HDAC4: variants seen among roughly 807,000 people sequenced by gnomAD.
HDAC4 encodes the protein histone deacetylase A.
HDAC4 carries 16 observed loss-of-function variants against 135.1 expected under a neutral mutation model. That is an observed-to-expected ratio of 0.12 (90% CI 0.08 to 0.18). The LOEUF is 0.18. HDAC4 is among the 10% of genes least tolerant of loss of function. The probability of loss-of-function intolerance (pLI) is 1.00; values close to 1 mark genes in which losing one functional copy is unlikely to be tolerated. For synonymous variants in HDAC4, 685 were observed against 653.4 expected (o/e 1.05, Z -0.74); for missense variants, 1,143 against 1,511.8 (o/e 0.76, Z 4.05).
intron 3 of HDAC4, chr2:239,191,040 C>T (rs1013193795): frequency 2.0e-5 from 9 of 459,422 alleles, no homozygotes; most frequent in Admixed American, 4.7e-5. Flanking sequence ...CTCAGACACG[C>T]GACTCTGCCG....
At chr2:239,110,351 G>T (rs1430147118) in intron 14 of HDAC4, among the ~76,000 whole-genome samples, 4 of 152,230 alleles carry the variant, frequency 2.6e-5, no homozygotes, top group African/African-American at 9.6e-5. Flanking sequence ...CTCCCTGCAA[G>T]TCTCCTGGGA....
At chr2:239,085,407 C>A (rs191604900) in intron 19 of HDAC4, among the ~76,000 whole-genome samples, 122 of 152,356 alleles carry the variant, frequency 8.0e-4, no homozygotes, top group African/African-American at 2.9e-3. Context: ...TTTTCAGAAT[C>A]CGGGCTGGCA....
Position 239,068,881 on chromosome 2 carries a change from G to A in HDAC4, c.2751-274C>T. On this transcript the variant is annotated intron_variant, in intron 22 of 26. Coordinates refer to ENST00000543185, the MANE Select transcript of HDAC4 (RefSeq NM_001378414.1). This position sits in a 1 kb window ranked among gnomAD's most constrained non-coding sequence, Gnocchi z 4.4. ...TTGGTGAGAGGGAGTCACGGTGCAA[G>A]CCAGCAAGCCCCACTGCACTTGCTT... The A allele has an allele frequency of 7.0e-6, 3 of 425,684 alleles. No homozygotes were observed. The highest frequency in any genetic ancestry group is 5.2e-5 in the East Asian group (1 of 19,366). The allele number at this position is 425,684 out of a possible 1,614,324, so 26.4% of individuals were successfully genotyped here.
intron 1 of HDAC4, among the ~76,000 whole-genome samples, chr2:239,359,584 G>A (rs1693733614): frequency 6.6e-6 from 1 of 152,216 alleles, no homozygotes; most frequent in Non-Finnish European, 1.5e-5. Flanking sequence ...GCTGGGGGGT[G>A]GGGGCTCCAG....
intron 24 of HDAC4, among the ~76,000 whole-genome samples, chr2:239,065,932 T>G (rs551437903): frequency 6.6e-6 from 1 of 152,244 alleles, no homozygotes; most frequent in African/African-American, 2.4e-5. Context: ...GAAGAGCAGG[T>G]GTGGGAAACT....
intron 2 of HDAC4, among the ~76,000 whole-genome samples, chr2:239,238,637 A>C (rs1470176997): frequency 6.6e-6 from 1 of 152,218 alleles, no homozygotes; most frequent in Non-Finnish European, 1.5e-5. Context: ...GCTCACATGA[A>C]GCCCTTTCTT....
At chr2:239,176,251 G>A (rs546314487) in intron 5 of HDAC4, among the ~76,000 whole-genome samples, 162 bp downstream of exon 5, 7 of 114,658 alleles carry the variant, frequency 6.1e-5, no homozygotes, top group South Asian at 5.7e-4. Context: ...TTCCGTGCCC[G>A]CACCCCTCCC....
intron 13 of HDAC4, among the ~76,000 whole-genome samples, chr2:239,112,202 T>C (rs1237558374): frequency 1.3e-5 from 2 of 152,136 alleles, no homozygotes; most frequent in African/African-American, 2.4e-5. Flanking sequence ...GCGAAGGCCA[T>C]GTAGATGTGG....
chr2:239,216,829 G>A (rs1008400756), intron 3 of HDAC4, among the ~76,000 whole-genome samples: 5 of 152,170 alleles, frequency 3.3e-5, no homozygotes, highest in South Asian at 4.1e-4. Flanking sequence ...GGTTCCACCC[G>A]CCATACTCGG....
chr2:239,364,451 G>A (rs11686104), intron 1 of HDAC4, among the ~76,000 whole-genome samples: 31,624 of 152,106 alleles, frequency 0.21, 3,510 homozygotes, highest in Middle Eastern at 0.23. Flanking sequence ...GTAGGGCTCC[G>A]TGTGCATAAA....
chr2:239,200,821 G>A (rs1352723194), intron 3 of HDAC4, among the ~76,000 whole-genome samples: 2 of 152,176 alleles, frequency 1.3e-5, no homozygotes, highest in Non-Finnish European at 2.9e-5. Context: ...TCTCGGTGCA[G>A]AGTTCTAGCA....
intron 24 of HDAC4, among the ~76,000 whole-genome samples, chr2:239,057,550 C>T (rs1019765145): frequency 7.2e-5 from 11 of 152,282 alleles, no homozygotes; most frequent in Non-Finnish European, 1.3e-4. Context: ...AGCCATTAGC[C>T]ACACACCAAC....
At chr2:239,340,885 T>G (rs563747642) in intron 2 of HDAC4, among the ~76,000 whole-genome samples, 1 of 152,200 alleles carries the variant, frequency 6.6e-6, no homozygotes, top group Admixed American at 6.5e-5. Flanking sequence ...TGGCCCCCTC[T>G]TCAGCAGTCA....
At chr2:239,087,911 C>T (rs1479662390) in intron 18 of HDAC4, among the ~76,000 whole-genome samples, 3 of 152,132 alleles carry the variant, frequency 2.0e-5, no homozygotes, top group Admixed American at 6.5e-5. Flanking sequence ...AGGCGTGGTG[C>T]CCTTGGCTCA....
At chr2:239,387,699 G>T (rs1027491504) in intron 1 of HDAC4, among the ~76,000 whole-genome samples, 5 of 152,200 alleles carry the variant, frequency 3.3e-5, no homozygotes, top group Admixed American at 2.6e-4. Flanking sequence ...GGCTTAGAGC[G>T]GTTGGGTCAA....
rs778508657 is a variant in HDAC4 at position 239,087,550 on chromosome 2, T to G, written c.2444+9A>C. ...TCCCCTGCTGTGCGGGGCTGCGGCG[T>G]GTACTCACATGGGCGTGCTCTCCTC... is the stretch of plus-strand genomic sequence containing the variant. On this transcript the variant is annotated intron_variant, in intron 19 of 26. Transcript: ENST00000543185. 1.2e-5 allele frequency: 19 copies of G among 1,612,852 alleles called. No individual in the cohort carries two copies. In the South Asian group the frequency reaches 2.1e-4, roughly 18 times the overall value.
chr2:239,257,901 TA>T (rs1246479003), intron 2 of HDAC4, among the ~76,000 whole-genome samples: 1 of 152,108 alleles, frequency 6.6e-6, no homozygotes, highest in African/African-American at 2.4e-5. Flanking sequence ...GTGCTCCAGA[TA>T]ATAGAATTCT....
chr2:239,183,566 C>T (rs2044292365), intron 4 of HDAC4, among the ~76,000 whole-genome samples: 1 of 152,252 alleles, frequency 6.6e-6, no homozygotes, highest in African/African-American at 2.4e-5. Flanking sequence ...CCACTGCCCA[C>T]TGCCACGTGC....
At chr2:239,314,404 G>A (rs1050251929) in intron 2 of HDAC4, among the ~76,000 whole-genome samples, 5 of 152,178 alleles carry the variant, frequency 3.3e-5, no homozygotes, top group Non-Finnish European at 7.3e-5. Context: ...CTTAGTGACT[G>A]TACAAACCTG....
Sources: gnomAD v4.1 joint callset for allele counts (sites outside exome capture counted in the v4.1 genomes callset) on GRCh38, gnomAD v4.1.1 for gene constraint, Gnocchi (gnomAD v3.1) non-coding constraint, MANE v1.5 for transcripts, NCBI Gene and HGNC (gene_info 2026-07-23, HGNC 2026-07-21) for gene names.